SSH2: variants seen among roughly 807,000 people sequenced by gnomAD.
SSH2 encodes slingshot protein phosphatase 2.
SSH2 carries 37 observed loss-of-function variants against 135.2 expected under a neutral mutation model. The ratio of observed to expected loss-of-function variants is 0.27; its 90% confidence interval spans 0.21 to 0.36. The LOEUF is 0.36. SSH2 is among the 10% of genes least tolerant of loss of function. The probability of loss-of-function intolerance (pLI) is 1.00; values close to 1 mark genes in which losing one functional copy is unlikely to be tolerated. For missense variants in SSH2, 1,408 were observed against 1,765.3 expected, an observed-to-expected ratio of 0.80 and a Z score of 3.63; for synonymous variants, 628 against 646.2, an observed-to-expected ratio of 0.97 and a Z score of 0.43.
intron 3 of SSH2, among the ~76,000 whole-genome samples, chr17:29,791,917 C>CTTT (rs36064413): frequency 1.1e-4 from 14 of 128,322 alleles, no homozygotes; most frequent in Admixed American, 1.6e-4. Flanking sequence ...TCTTCTTCCT[C>CTTT]TTTTTTTTTT....
chr17:29,683,599 G>C (rs990533302), intron 6 of SSH2, among the ~76,000 whole-genome samples: 3 of 152,214 alleles, frequency 2.0e-5, no homozygotes, highest in African/African-American at 7.2e-5. Flanking sequence ...CAAAGGGTAG[G>C]TGCCCTAGAA....
At chr17:29,766,304 G>A (rs1598964974) in intron 3 of SSH2, among the ~76,000 whole-genome samples, 1 of 151,392 alleles carries the variant, frequency 6.6e-6, no homozygotes, top group African/African-American at 2.4e-5. Context: ...AGACCAGCCT[G>A]GGCAAGATAG....
At chr17:29,921,949 C>T (rs565184154) in intron 1 of SSH2, among the ~76,000 whole-genome samples, 2 of 152,042 alleles carry the variant, frequency 1.3e-5, no homozygotes, top group South Asian at 4.2e-4. Flanking sequence ...AAAACAAGTA[C>T]AGTAGAAAGA....
intron 11 of SSH2, among the ~76,000 whole-genome samples, chr17:29,657,448 T>G: frequency 6.7e-6 from 1 of 148,898 alleles, no homozygotes; most frequent in Non-Finnish European, 1.5e-5. Context: ...TTTTTGTATT[T>G]AGTAAAGACG....
intron 1 of SSH2, among the ~76,000 whole-genome samples, chr17:29,892,424 A>G (rs1474558395): frequency 6.6e-6 from 1 of 152,046 alleles, no homozygotes; most frequent in Non-Finnish European, 1.5e-5. Flanking sequence ...TTCTAGTTGG[A>G]AGCAGATAGG....
At chr17:29,637,375 C>T (rs980400329) in intron 14 of SSH2, among the ~76,000 whole-genome samples, 1 of 152,158 alleles carries the variant, frequency 6.6e-6, no homozygotes, top group African/African-American at 2.4e-5. Context: ...CCCAGCTGAA[C>T]TGTAGATTTT....
At chr17:29,795,141 C>A (rs966988800) in intron 2 of SSH2, among the ~76,000 whole-genome samples, 1 of 152,200 alleles carries the variant, frequency 6.6e-6, no homozygotes, top group Non-Finnish European at 1.5e-5. Flanking sequence ...TCCTGGGCAA[C>A]CAAGCCTAGC....
chr17:29,632,857 A>T lies in SSH2; in HGVS notation c.2337T>A (p.Ile779=). 6.2e-7 allele frequency: 1 copy of T among 1,614,148 alleles called. No homozygotes were observed. Among genetic ancestry groups the T allele is most frequent in the South Asian group, 1.1e-5 (1 of 91,074 alleles). The change falls in exon 16 of 16, where the codon ATT becomes ATA. Residue 779 remains isoleucine, a synonymous_variant. Coordinates refer to ENST00000540801, the MANE Select transcript of SSH2 (RefSeq NM_001282129.2). The part of the protein sequence containing the change: ...HSENAISVKE[I]VTEIESISQG... ...GACTGATGGACTCAATTTCAGTGAC[A>T]ATTTCTTTGACTGAAATTGCATTTT...
At chr17:29,661,695 C>T (rs1231703018) in intron 11 of SSH2, among the ~76,000 whole-genome samples, 1 of 152,218 alleles carries the variant, frequency 6.6e-6, no homozygotes, top group African/African-American at 2.4e-5. Flanking sequence ...GACCACCTCA[C>T]TTCTTAATTT....
At chr17:29,912,324 A>G (rs748364385) in intron 1 of SSH2, among the ~76,000 whole-genome samples, 1 of 152,242 alleles carries the variant, frequency 6.6e-6, no homozygotes. Flanking sequence ...GACTATATGT[A>G]TCTTCAAATT....
intron 9 of SSH2, among the ~76,000 whole-genome samples, chr17:29,670,630 T>C (rs888682637): frequency 6.6e-6 from 1 of 151,982 alleles, no homozygotes; most frequent in Non-Finnish European, 1.5e-5. Flanking sequence ...AAAAATTAGC[T>C]GGCCGTGGTG....
At chr17:29,828,344 CAG>C (rs1285970843) in intron 2 of SSH2, among the ~76,000 whole-genome samples, 1 of 152,172 alleles carries the variant, frequency 6.6e-6, no homozygotes, top group African/African-American at 2.4e-5. Context: ...ACTTTCTCAG[CAG>C]GGTCTGAATC....
At position 29,630,859 on chromosome 17, in the gene SSH2, G is replaced by A; in HGVS notation, c.4335C>T (p.Pro1445=). 2.6e-6 allele frequency: 4 copies of A among 1,555,378 alleles called. No individual in the cohort carries two copies. Among genetic ancestry groups the A allele is most frequent in the Non-Finnish European group, 3.5e-6 (4 of 1,147,096 alleles). ...CTCAGAATCACATGGTATTATAGAA[G>A]GGGTTGGTTGTCCGTTTTTTGTCAT... is the stretch of plus-strand genomic sequence containing the variant. ...KANDKKRTTN[P]FYNTM Residue 1445 remains proline (P), a synonymous_variant, in exon 16 of 16, where the codon CCC becomes CCT. Transcript: ENST00000540801.
chr17:29,702,368 AC>A (rs1358861723), intron 4 of SSH2, among the ~76,000 whole-genome samples: 1 of 146,192 alleles, frequency 6.8e-6, no homozygotes, highest in Non-Finnish European at 1.5e-5. Context: ...AAAAAAAACA[AC>A]CCTGGCCGGG....
chr17:29,875,919 G>A (rs12373145), intron 1 of SSH2, among the ~76,000 whole-genome samples: 1 of 139,600 alleles, frequency 7.2e-6, no homozygotes, highest in Non-Finnish European at 1.5e-5. Context: ...TTGTAACTAC[G>A]AATTTGTACA....
At chr17:29,662,739 A>C (rs2037102770) in intron 11 of SSH2, among the ~76,000 whole-genome samples, 1 of 152,186 alleles carries the variant, frequency 6.6e-6, no homozygotes, top group Non-Finnish European at 1.5e-5. Flanking sequence ...CCAGGTATTA[A>C]GCCTAGTACT....
At chr17:29,799,589 T>C (rs2042215188) in intron 2 of SSH2, among the ~76,000 whole-genome samples, 3 of 152,234 alleles carry the variant, frequency 2.0e-5, no homozygotes, top group Admixed American at 2.0e-4. Flanking sequence ...CCCTTATTTC[T>C]AAAATAAGCA....
chr17:29,761,887 A>ATTT lies in SSH2; in HGVS notation c.188+32004_188+32006dup, dbSNP rs1157073718. Among the ~76,000 whole-genome samples the ATTT allele has an allele frequency of 3.5e-3, 506 of 143,614 alleles. 4 individuals are homozygous for ATTT. Among genetic ancestry groups the ATTT allele is most frequent in the African/African-American group, 1.0e-2 (377 of 37,748 alleles). 94.2% of individuals were successfully genotyped at this position (143,614 alleles called of 152,430 possible). A position where few individuals can be genotyped will look rare whatever the true frequency, so the allele number is the denominator to read the frequency against. ...TGTGTGTGTGTATATATATATATAT[A>ATTT]TTTTTTTTTGAGATGGAGTTTCTGC... is the stretch of plus-strand genomic sequence containing the variant. On this transcript the variant is annotated intron_variant, in intron 3 of 15. Coordinates refer to ENST00000540801, the MANE Select transcript of SSH2 (RefSeq NM_001282129.2).
At chr17:29,663,931 C>A (rs1016568833) in intron 11 of SSH2, among the ~76,000 whole-genome samples, 1 of 152,172 alleles carries the variant, frequency 6.6e-6, no homozygotes, top group Admixed American at 6.5e-5. Flanking sequence ...ATGGGGGAAA[C>A]TATGCATGTG....
Sources: allele counts gnomAD v4.1 joint callset (sites outside exome capture counted in the v4.1 genomes callset), GRCh38; gene constraint gnomAD v4.1.1; transcripts MANE v1.5; gene names NCBI Gene and HGNC (gene_info 2026-07-23, HGNC 2026-07-21).